BACH1: variants seen among roughly 807,000 people sequenced by gnomAD.
The protein encoded by BACH1 is transcription regulator protein BACH1.
Under a neutral mutation model 52.9 loss-of-function variants are expected in BACH1, and 35 were observed. The observed-to-expected ratio is 0.66, with a 90% CI of 0.51 to 0.88. The LOEUF (loss-of-function observed/expected upper bound fraction) is 0.88. Ranked by LOEUF, BACH1 falls within the 40% of genes least tolerant of loss-of-function variation. The pLI is 0.00. For missense variants in BACH1, 808 were observed against 872.6 expected (o/e 0.93, Z 0.93); for synonymous variants, 321 against 319.6 (o/e 1.00, Z -0.05).
chr21:29,309,657 A>G (rs1478598121), intron 1 of BACH1, among the ~76,000 whole-genome samples: 2 of 152,166 alleles, frequency 1.3e-5, no homozygotes, highest in East Asian at 3.8e-4. Context: ...CAATTTTAAT[A>G]TTTTCATTTT....
At chr21:29,346,303 G>C (rs1327352702), downstream of BACH1, among the ~76,000 whole-genome samples, 1 of 152,026 alleles carries the variant, frequency 6.6e-6, no homozygotes, top group East Asian at 1.9e-4. Context: ...CCAGCATTCA[G>C]GTGTTTTAGG....
intron 3 of BACH1, among the ~76,000 whole-genome samples, chr21:29,328,237 T>G (rs1186638955): frequency 6.6e-6 from 1 of 152,206 alleles, no homozygotes; most frequent in East Asian, 1.9e-4. Context: ...ATGTCTTAAT[T>G]TAGCATGAGT....
At chr21:29,311,195 T>C (rs2088717118) in intron 1 of BACH1, among the ~76,000 whole-genome samples, 1 of 152,162 alleles carries the variant, frequency 6.6e-6, no homozygotes, top group Non-Finnish European at 1.5e-5. Flanking sequence ...ACAAGATGTC[T>C]TTCTGTATTT....
chr21:29,357,263 C>G (rs969108555), intron 2 of BACH1, among the ~76,000 whole-genome samples: 2 of 152,172 alleles, frequency 1.3e-5, no homozygotes, highest in African/African-American at 4.8e-5. Context: ...CATAACCTGC[C>G]CTTCGTATCC....
Position 29,327,100 on chromosome 21 carries a change from G to C in BACH1, c.1276G>C (p.Glu426Gln), listed in dbSNP as rs185275351. ...ACCTGCTGTGGCCAAAGATGGCTCAGAACAGATCTCACAGAAACGGTCTGA... is the reference window on the plus strand; with the variant it reads ...ACCTGCTGTGGCCAAAGATGGCTCACAACAGATCTCACAGAAACGGTCTGA... Reference protein sequence around the residue: ...LSPAVAKDGSEQISQKRSECP... With the variant: ...LSPAVAKDGSQQISQKRSECP... The change falls in exon 3 of 5, where the codon GAA becomes CAA. Residue 426 changes from glutamate to glutamine, a missense_variant. Physicochemically the swap from Glu to Gln is conservative, Grantham distance 29. Transcript: ENST00000286800. The C allele has an allele frequency of 1.9e-5, 30 of 1,614,234 alleles. No individual in the cohort carries two copies. The highest frequency in any genetic ancestry group is 3.3e-4 in the Middle Eastern group (2 of 6,062).
chr21:29,305,047 AC>A (rs2088640523), intron 1 of BACH1, among the ~76,000 whole-genome samples: 1 of 152,116 alleles, frequency 6.6e-6, no homozygotes, highest in African/African-American at 2.4e-5. Context: ...TTTCCAGTGT[AC>A]CTGATGTCTC....
At chr21:29,358,622 C>T (rs1446024003) in intron 2 of BACH1, among the ~76,000 whole-genome samples, 2 of 152,026 alleles carry the variant, frequency 1.3e-5, no homozygotes, top group African/African-American at 2.4e-5. Context: ...CGCCTGTAAT[C>T]CCAGCTACTG....
chr21:29,316,854 T>C (rs781006464), intron 1 of BACH1, among the ~76,000 whole-genome samples: 1 of 152,256 alleles, frequency 6.6e-6, no homozygotes, highest in Non-Finnish European at 1.5e-5. Flanking sequence ...TGAGCTGGCC[T>C]CTTTTTTGTC....
intron 1 of BACH1, among the ~76,000 whole-genome samples, chr21:29,315,640 C>G (rs2088777796): frequency 6.6e-6 from 1 of 152,056 alleles, no homozygotes; most frequent in Admixed American, 6.5e-5. Context: ...ACACACACAC[C>G]CTTGACTAAC....
chr21:29,335,258 A>C (rs2089031226), intron 4 of BACH1, among the ~76,000 whole-genome samples: 1 of 152,196 alleles, frequency 6.6e-6, no homozygotes, highest in Non-Finnish European at 1.5e-5. Context: ...ATGTGGGATA[A>C]GAGTAACAGC....
chr21:29,349,192 T>G (rs1257787033), downstream of BACH1, among the ~76,000 whole-genome samples: 1 of 152,140 alleles, frequency 6.6e-6, no homozygotes, highest in Non-Finnish European at 1.5e-5. Context: ...GGTTCCCTCC[T>G]TGTGCCTGAA....
intron 1 of BACH1, among the ~76,000 whole-genome samples, chr21:29,301,137 C>T (rs936894508): frequency 3.9e-5 from 6 of 152,168 alleles, no homozygotes; most frequent in Admixed American, 6.5e-5. Context: ...TTAGGAAAAA[C>T]GATTTATTTT....
At chr21:29,329,344 T>C in intron 3 of BACH1, 143 bp from the exon 4 acceptor site, 1 of 530,176 alleles carries the variant, frequency 1.9e-6, no homozygotes, top group East Asian at 3.4e-5. Flanking sequence ...TTTGAGATTG[T>C]ATAGAAATTG....
chr21:29,351,077 C>G (rs2089199382), downstream of BACH1, among the ~76,000 whole-genome samples: 1 of 152,122 alleles, frequency 6.6e-6, no homozygotes, highest in East Asian at 1.9e-4. Flanking sequence ...AGCACATTAC[C>G]TTTTCATTTT....
At chr21:29,358,812 A>AAGAAAGAGAAG in intron 2 of BACH1, among the ~76,000 whole-genome samples, 1 of 146,450 alleles carries the variant, frequency 6.8e-6, no homozygotes, top group Non-Finnish European at 1.5e-5. Flanking sequence ...GAAAGAAAGA[A>AAGAAAGAGAAG]AGAAGAAAGA....
At chr21:29,307,407 T>TTGTGTGTGTG (rs139633407) in intron 1 of BACH1, among the ~76,000 whole-genome samples, 26 of 150,030 alleles carry the variant, frequency 1.7e-4, no homozygotes, top group African/African-American at 6.1e-4. Flanking sequence ...TCACTTACCT[T>TTGTGTGTGTG]TGTGTGTGTG....
chr21:29,305,796 C>T (rs1161171377), intron 1 of BACH1, among the ~76,000 whole-genome samples: 1 of 152,212 alleles, frequency 6.6e-6, no homozygotes, highest in Non-Finnish European at 1.5e-5. Context: ...TTGCTAAATT[C>T]ATGTCAATAT....
intron 1 of BACH1, among the ~76,000 whole-genome samples, chr21:29,316,477 C>T (rs1438294779): frequency 6.6e-6 from 1 of 152,044 alleles, no homozygotes; most frequent in African/African-American, 2.4e-5. Context: ...AAAATGCAGG[C>T]GTAACACAGG....
intron 1 of BACH1, among the ~76,000 whole-genome samples, chr21:29,307,310 A>G (rs1248354287): frequency 2.6e-5 from 4 of 152,224 alleles, no homozygotes; most frequent in Non-Finnish European, 5.9e-5. Context: ...TTTATACAGT[A>G]TTCTTGTAGT....
Sources: allele counts gnomAD v4.1 joint callset (sites outside exome capture counted in the v4.1 genomes callset), GRCh38; gene constraint gnomAD v4.1.1; transcripts MANE v1.5; gene names NCBI Gene and HGNC (gene_info 2026-07-23, HGNC 2026-07-21).